Variants in NUSAP1 observed in about 807,000 individuals in gnomAD.
NUSAP1 encodes nucleolar and spindle-associated protein 1.
NUSAP1 carries 32 observed loss-of-function variants against 52.8 expected under a neutral mutation model. The observed-to-expected ratio is 0.61, with a 90% CI of 0.46 to 0.81. NUSAP1 has a LOEUF of 0.81. Among genes scored for constraint, NUSAP1 ranks in the 40% least tolerant of loss-of-function variants. NUSAP1 has a pLI of 0.00. For missense variants in NUSAP1, 499 were observed against 522.3 expected (o/e 0.96, Z 0.43); for synonymous variants, 195 against 183.1 (o/e 1.06, Z -0.52).
At chr15:41,333,155 C>T in intron 1 of NUSAP1, 105 bp downstream of exon 1, 1 of 797,372 alleles carries the variant, frequency 1.3e-6, no homozygotes, top group Non-Finnish European at 2.1e-6. Flanking sequence ...ACTGAGGCAG[C>T]TCTCCCTGCC....
At chr15:41,342,529 A>C in intron 2 of NUSAP1, 75 bp downstream of exon 2, 1 of 1,084,844 alleles carries the variant, frequency 9.2e-7, no homozygotes, top group Non-Finnish European at 1.4e-6. Context: ...TTAACACACA[A>C]CTAGTGATGA....
intron 1 of NUSAP1, among the ~76,000 whole-genome samples, chr15:41,334,934 AAGAG>A (rs540403804): frequency 3.5e-4 from 53 of 152,296 alleles, no homozygotes; most frequent in African/African-American, 1.1e-3. Context: ...CTCAAGGAAA[AAGAG>A]AGGGAAACTA....
intron 6 of NUSAP1, among the ~76,000 whole-genome samples, chr15:41,362,681 C>T (rs1013051624): frequency 3.3e-5 from 5 of 151,892 alleles, no homozygotes; most frequent in Admixed American, 6.6e-5. Context: ...CTGCCTGCCT[C>T]GGCCTCCCAA....
intron 1 of NUSAP1, among the ~76,000 whole-genome samples, chr15:41,333,954 A>T (rs147136266): frequency 6.8e-4 from 104 of 152,288 alleles, no homozygotes; most frequent in African/African-American, 2.4e-3. Context: ...TGTTAGAAGA[A>T]GATTTGGGGA....
chr15:41,363,462 C>T (rs1157139412), intron 6 of NUSAP1, among the ~76,000 whole-genome samples: 2 of 151,840 alleles, frequency 1.3e-5, no homozygotes, highest in Non-Finnish European at 2.9e-5. Context: ...GTAGCCTCAA[C>T]CTCCTGGGCT....
intron 9 of NUSAP1, among the ~76,000 whole-genome samples, chr15:41,376,042 G>A (rs2049919389): frequency 1.3e-5 from 2 of 151,894 alleles, no homozygotes; most frequent in Admixed American, 6.6e-5. Flanking sequence ...CTCCAGCCTG[G>A]GCAACAAGAG....
chr15:41,366,645 T>G (rs1404868790), intron 7 of NUSAP1, among the ~76,000 whole-genome samples: 1 of 152,244 alleles, frequency 6.6e-6, no homozygotes, highest in African/African-American at 2.4e-5. Context: ...CCTGATTTCA[T>G]TGACTTGTCT....
In NUSAP1 at chr15:41,371,526, G is replaced by A; in HGVS notation, c.849-1G>A. On this transcript the variant is annotated splice_acceptor_variant, in intron 7 of 10. Transcript: ENST00000559596. LOFTEE classifies it high-confidence loss of function. ...GTCTTGTACTCTGCTGTCCTATTTA[G>A]GTTTTCAGCTGCTACTAAAGATAAT... The A allele has an allele frequency of 1.3e-6, 2 of 1,593,064 alleles. No homozygotes were observed. Among genetic ancestry groups the A allele is most frequent in the South Asian group, 1.1e-5 (1 of 87,916 alleles).
Position 41,375,135 on chromosome 15 carries a change from C to T in NUSAP1, c.1007-577C>T, listed in dbSNP as rs370047350. ...AGCAATTCCCCTGCCTCAGCCTACT[C>T]GGCATGGGACTACAGGCATGCACCA... On this transcript the variant is annotated intron_variant, in intron 8 of 10. Coordinates refer to ENST00000559596, the MANE Select transcript of NUSAP1 (RefSeq NM_016359.5). Among the ~76,000 whole-genome samples the T allele has an allele frequency of 1.3e-4, 19 of 150,508 alleles. No homozygotes were observed. The South Asian group carries it at 3.6e-3, about 28-fold the overall frequency.
In NUSAP1 at chr15:41,365,588, A is replaced by C. The variant is rs747217322; in HGVS notation, c.847A>C (p.Arg283=). 37 of 1,586,494 alleles carry C rather than the reference A, an allele frequency of 2.3e-5. No homozygotes were observed. The South Asian group carries it at 3.7e-4, about 16-fold the overall frequency. Residue 283 remains arginine (R), a splice_region_variant and synonymous_variant, in exon 7 of 11, where the codon AGG becomes CGG. Transcript: ENST00000559596. ...TATCTCTGCAGCTAAAACGGGTGTC[A>C]GGTAAAGAAATCACTCCAAAATGTA... ...SAISAAKTGV[R]FSAATKDNEH...
intron 4 of NUSAP1, 92 bp downstream of exon 4, chr15:41,351,221 C>A: frequency 7.8e-7 from 1 of 1,281,410 alleles, no homozygotes; most frequent in Non-Finnish European, 1.1e-6. Context: ...ACTGTTGTGA[C>A]AAAGCACCAC....
intron 6 of NUSAP1, among the ~76,000 whole-genome samples, chr15:41,360,793 CTT>C (rs1180569684): frequency 0.012 from 1,401 of 116,948 alleles, 20 homozygotes; most frequent in African/African-American, 0.043. Flanking sequence ...GTTTATCCAT[CTT>C]TTTTTTTTTT....
At position 41,371,931 on chromosome 15, in the gene NUSAP1, C is replaced by T. The variant is rs1292511235; in HGVS notation, c.1006+247C>T. On this transcript the variant is annotated intron_variant, in intron 8 of 10. Coordinates refer to ENST00000559596, the MANE Select transcript of NUSAP1 (RefSeq NM_016359.5). ...GACTACAGACACATGCCACCATGCC[C>T]GGCTAATTTTGTATTTTTAATAGAG... is the stretch of plus-strand genomic sequence containing the variant. 2.6e-5 allele frequency among the ~76,000 whole-genome samples: 4 copies of T among 151,854 alleles called. No individual in the cohort carries two copies. In the East Asian group the frequency reaches 7.7e-4, roughly 29 times the overall value.
intron 8 of NUSAP1, among the ~76,000 whole-genome samples, chr15:41,374,568 G>T (rs1052082787): frequency 2.0e-5 from 3 of 151,886 alleles, no homozygotes; most frequent in Non-Finnish European, 4.4e-5. Context: ...TCTCACTGTC[G>T]CCAGGCTGGA....
At chr15:41,358,079 C>G (rs2049034136) in intron 5 of NUSAP1, 70 bp from the exon 6 acceptor site, 1 of 675,952 alleles carries the variant, frequency 1.5e-6, no homozygotes, top group African/African-American at 1.9e-5. Context: ...TAAGTGTTAA[C>G]AGAAAAACAC....
intron 7 of NUSAP1, among the ~76,000 whole-genome samples, chr15:41,367,520 C>G (rs1158974380): frequency 6.6e-6 from 1 of 152,146 alleles, no homozygotes; most frequent in African/African-American, 2.4e-5. Flanking sequence ...ACAGTGCACT[C>G]CAGAAGTGGC....
rs2048692922 is a variant in NUSAP1 at position 41,349,204 on chromosome 15, G to A, written c.269G>A (p.Arg90Lys). The change falls in exon 3 of 11, where the codon AGA becomes AAA. Residue 90 changes from arginine (R) to lysine (K), a missense_variant. Coordinates refer to ENST00000559596, the MANE Select transcript of NUSAP1 (RefSeq NM_016359.5). Reference sequence around the variant, plus strand: ...CTTGGCCATGTCACCAAAACAAGGAGAAGGTGCAAGACTGTCCGTGTGGAC... The same window carrying A: ...CTTGGCCATGTCACCAAAACAAGGAAAAGGTGCAAGACTGTCCGTGTGGAC... ...QPLGHVTKTR[R>K]RCKTVRVDPD... The A allele has an allele frequency of 6.2e-7, 1 of 1,613,832 alleles. No homozygotes were observed. Among genetic ancestry groups the A allele is most frequent in the South Asian group, 1.1e-5 (1 of 91,076 alleles).
At chr15:41,357,486 C>T (rs1040599980) in intron 5 of NUSAP1, among the ~76,000 whole-genome samples, 1 of 151,802 alleles carries the variant, frequency 6.6e-6, no homozygotes, top group African/African-American at 2.4e-5. Context: ...TCTTGTTGCC[C>T]AGGCTGGAGT....
At position 41,335,604 on chromosome 15, in the gene NUSAP1, CTATACTTAATATACTA is replaced by C. The variant is rs2048092173; in HGVS notation, c.93+2561_93+2576del. On this transcript the variant is annotated intron_variant, in intron 1 of 10. Transcript: ENST00000559596. ...ATTATACTATAAATAAATATAAATA[CTATACTTAATATACTA>C]TATACTAAATATACTATATATAAAT... 3.7e-5 allele frequency among the ~76,000 whole-genome samples: 5 copies of C among 136,834 alleles called. No individual in the cohort carries two copies. In the South Asian group the frequency reaches 9.2e-4, roughly 25 times the overall value. 89.8% of individuals were successfully genotyped at this position (136,834 alleles called of 152,430 possible). A position where few individuals can be genotyped will look rare whatever the true frequency, so the allele number is the denominator to read the frequency against.
Sources: allele counts gnomAD v4.1 joint callset (sites outside exome capture counted in the v4.1 genomes callset), GRCh38; gene constraint gnomAD v4.1.1; transcripts MANE v1.5; gene names NCBI Gene and HGNC (gene_info 2026-07-23, HGNC 2026-07-21).